PRKN: variants seen among roughly 807,000 people sequenced by gnomAD.
PRKN encodes the protein E3 ubiquitin-protein ligase parkin.
PRKN carries 56 observed loss-of-function variants against 59.5 expected under a neutral mutation model. The ratio of observed to expected loss-of-function variants is 0.94; its 90% CI spans 0.76 to 1.18. PRKN has a LOEUF of 1.18. PRKN is among the 50% of genes most tolerant of loss of function. The pLI is 0.00. For missense variants in PRKN, 657 were observed against 596.4 expected, an observed-to-expected ratio of 1.10 and a Z score of -1.06; for synonymous variants, 250 against 222.1, an observed-to-expected ratio of 1.13 and a Z score of -1.12.
intron 6 of PRKN, among the ~76,000 whole-genome samples, chr6:161,971,575 C>T (rs1243124976): frequency 6.6e-6 from 1 of 152,206 alleles, no homozygotes; most frequent in Non-Finnish European, 1.5e-5. Flanking sequence ...CAGTCATTCA[C>T]CTTGCCAAGA....
intron 6 of PRKN, among the ~76,000 whole-genome samples, chr6:161,840,975 T>TA (rs1480570895): frequency 1.3e-5 from 2 of 152,096 alleles, no homozygotes; most frequent in African/African-American, 2.4e-5. Flanking sequence ...GATGGGATTG[T>TA]AAAAAAAGTT....
chr6:162,588,037 G>T, intron 1 of PRKN, among the ~76,000 whole-genome samples: 1 of 122,628 alleles, frequency 8.2e-6, no homozygotes, highest in African/African-American at 2.8e-5. Flanking sequence ...TTTAGATGGA[G>T]TCTCAATCTG....
chr6:162,326,101 A>C (rs548328805), intron 2 of PRKN, among the ~76,000 whole-genome samples: 2 of 152,178 alleles, frequency 1.3e-5, no homozygotes, highest in Non-Finnish European at 2.9e-5. Context: ...CCTCTGAATG[A>C]ATGCTGAGTA....
intron 6 of PRKN, among the ~76,000 whole-genome samples, chr6:161,919,918 C>T (rs9365352): frequency 0.38 from 58,364 of 152,064 alleles, 11,605 homozygotes; most frequent in Middle Eastern, 0.52. Context: ...TGTCATGAGT[C>T]GCTTAACCAC....
At chr6:162,549,335 T>C (rs62429652) in intron 1 of PRKN, among the ~76,000 whole-genome samples, 2,354 of 152,258 alleles carry the variant, frequency 0.015, 41 homozygotes, top group Admixed American at 0.055. Context: ...AAGCCCAAAC[T>C]GACCAAAACA....
At chr6:162,613,809 T>C (rs982617612) in intron 1 of PRKN, among the ~76,000 whole-genome samples, 5 of 151,962 alleles carry the variant, frequency 3.3e-5, no homozygotes, top group Non-Finnish European at 7.4e-5. Context: ...ATTTAAGAAA[T>C]AGGAGTAACA....
At chr6:162,372,505 C>T (rs1325456269) in intron 2 of PRKN, among the ~76,000 whole-genome samples, 2 of 152,064 alleles carry the variant, frequency 1.3e-5, no homozygotes, top group Non-Finnish European at 2.9e-5. Context: ...GAGGGTTAAG[C>T]AATGGGTAAA....
In PRKN at chr6:161,478,718, G is replaced by A. The variant is rs796683100; in HGVS notation, c.1083+70136C>T. On this transcript the variant is annotated intron_variant, in intron 9 of 11. Coordinates refer to ENST00000366898, the MANE Select transcript of PRKN (RefSeq NM_004562.3). ...ATAAATTAGCCTAGCCTGCTGGCGG[G>A]TGCTGTAGTCCCAGCTACTCAGGAG... Among the ~76,000 whole-genome samples, 8 of 152,210 alleles carry A rather than the reference G, an allele frequency of 5.3e-5. 1 individual carries two copies. Among genetic ancestry groups the A allele is most frequent in the African/African-American group, 1.9e-4 (8 of 41,524 alleles).
At chr6:162,466,486 C>T (rs953234656) in intron 1 of PRKN, among the ~76,000 whole-genome samples, 2 of 152,132 alleles carry the variant, frequency 1.3e-5, no homozygotes, top group East Asian at 3.9e-4. Flanking sequence ...GCAGCCTTGA[C>T]CTCCCAGGCT....
At chr6:162,369,126 TGAA>T (rs1294965663) in intron 2 of PRKN, among the ~76,000 whole-genome samples, 2 of 152,214 alleles carry the variant, frequency 1.3e-5, no homozygotes, top group African/African-American at 4.8e-5. Context: ...AAACCCATAA[TGAA>T]GTTCCCTTAT....
intron 7 of PRKN, among the ~76,000 whole-genome samples, chr6:161,641,536 C>G (rs551528192): frequency 6.6e-6 from 1 of 152,298 alleles, no homozygotes; most frequent in East Asian, 1.9e-4. Context: ...AAGTCCCATC[C>G]CCGAGTTTTC....
intron 3 of PRKN, among the ~76,000 whole-genome samples, chr6:162,248,365 C>T (rs920282644): frequency 6.6e-6 from 1 of 152,194 alleles, no homozygotes; most frequent in South Asian, 2.1e-4. Flanking sequence ...ATTTTACACT[C>T]GTCATTCTGA....
At chr6:162,445,056 T>C (rs1470057716) in intron 1 of PRKN, among the ~76,000 whole-genome samples, 1 of 152,192 alleles carries the variant, frequency 6.6e-6, no homozygotes, top group Non-Finnish European at 1.5e-5. Context: ...GTGTTTCCTT[T>C]AAATGTAGTA....
chr6:162,513,769 C>A (rs1288782207), intron 1 of PRKN, among the ~76,000 whole-genome samples: 1 of 151,950 alleles, frequency 6.6e-6, no homozygotes, highest in Non-Finnish European at 1.5e-5. Context: ...TGAAAATTAA[C>A]CTCGCTGGGC....
chr6:162,341,713 C>T (rs530429734), intron 2 of PRKN, among the ~76,000 whole-genome samples: 1 of 151,968 alleles, frequency 6.6e-6, no homozygotes, highest in African/African-American at 2.4e-5. Context: ...AAAATGAGAA[C>T]ACATGGATAC....
chr6:161,645,573 T>TA (rs1562580076), intron 7 of PRKN, among the ~76,000 whole-genome samples: 5 of 152,240 alleles, frequency 3.3e-5, no homozygotes, highest in Non-Finnish European at 7.3e-5. Flanking sequence ...AGCAGTTTGA[T>TA]TGATTTGGTT....
chr6:162,393,353 T>C (rs1787310018), intron 2 of PRKN, among the ~76,000 whole-genome samples: 1 of 151,386 alleles, frequency 6.6e-6, no homozygotes, highest in African/African-American at 2.4e-5. Flanking sequence ...AGAGACGGGG[T>C]TTCACCATGC....
chr6:162,206,854 A>G (rs1490835069), intron 3 of PRKN, among the ~76,000 whole-genome samples: 1 of 152,216 alleles, frequency 6.6e-6, no homozygotes, highest in Non-Finnish European at 1.5e-5. Context: ...CACAACCAGT[A>G]TGTACCAAAT....
chr6:162,236,126 A>G (rs1349379561), intron 3 of PRKN, among the ~76,000 whole-genome samples: 1 of 152,186 alleles, frequency 6.6e-6, no homozygotes, highest in East Asian at 1.9e-4. Context: ...TGTAACTGCT[A>G]TAAGTGAATC....
Sources: allele counts gnomAD v4.1 joint callset (sites outside exome capture counted in the v4.1 genomes callset), GRCh38; gene constraint gnomAD v4.1.1; transcripts MANE v1.5; gene names NCBI Gene and HGNC (gene_info 2026-07-23, HGNC 2026-07-21).